The following TCF3 variants were observed in gnomAD, a reference collection of about 807,000 sequenced individuals.
The protein encoded by TCF3 is transcription factor 3.
In TCF3, 54 loss-of-function variants were observed where a neutral mutation model predicts 72.3. The ratio of observed to expected loss-of-function variants is 0.75; its 90% CI spans 0.60 to 0.94. The LOEUF (loss-of-function observed/expected upper bound fraction) is 0.94, where lower values mean the gene tolerates loss of function less well. TCF3 is among the 40% of genes least tolerant of loss of function. The pLI is 0.00. For synonymous variants in TCF3, 525 were observed against 412.6 expected (o/e 1.27, Z -3.30); for missense variants, 1,078 against 934.4 (o/e 1.15, Z -2.00).
At position 1,610,399 on chromosome 19, in the gene TCF3, C is replaced by T. The variant is rs2060900193; in HGVS notation, c.*1308G>A. 1 of 230,940 alleles carries T rather than the reference C, an allele frequency of 4.3e-6. No individual in the cohort carries two copies. Among genetic ancestry groups the T allele is most frequent in the Non-Finnish European group, 8.6e-6 (1 of 116,778 alleles). The allele number at this position is 230,940 out of a possible 1,614,324, so 14.3% of individuals were successfully genotyped here. A position where few individuals can be genotyped will look rare whatever the true frequency, so the allele number is the denominator to read the frequency against. ...GCATCCTGTCTACGTCACGATGGCCCTCTGGTGTAATGGGGACATGGTGGG... is the reference window on the plus strand; with the variant it reads ...GCATCCTGTCTACGTCACGATGGCCTTCTGGTGTAATGGGGACATGGTGGG... On this transcript the variant is annotated 3_prime_UTR_variant, in exon 19 of 19. Coordinates refer to ENST00000262965, the MANE Select transcript of TCF3 (RefSeq NM_003200.5).
At chr19:1,644,530 G>T (rs1475349990) in intron 3 of TCF3, among the ~76,000 whole-genome samples, 1 of 152,220 alleles carries the variant, frequency 6.6e-6, no homozygotes, top group Non-Finnish European at 1.5e-5. Flanking sequence ...ACGTGTGAGG[G>T]GACAAGGCGA....
intron 2 of TCF3, among the ~76,000 whole-genome samples, chr19:1,648,908 C>T (rs1382054298): frequency 6.6e-6 from 1 of 151,280 alleles, no homozygotes. Flanking sequence ...GAACCCATAA[C>T]ACATGGCCCC....
In TCF3 at chr19:1,615,456, G is replaced by A. The variant is rs754358612; in HGVS notation, c.1651C>T (p.Arg551Trp). Reference sequence around the variant, plus strand: ...CGCTCCCGGGCGTTATTGGCCACCCGGCGCTCCTTCTCCCGCTCGGCCTTC... The same window carrying A: ...CGCTCCCGGGCGTTATTGGCCACCCAGCGCTCCTTCTCCCGCTCGGCCTTC... ...EQKAEREKER[R>W]VANNARERLR... The change falls in exon 18 of 19, where the codon CGG becomes TGG. Residue 551 changes from arginine to tryptophan, a missense_variant. Physicochemically the swap from Arg to Trp is moderately radical, Grantham distance 101. Coordinates refer to ENST00000262965, the MANE Select transcript of TCF3 (RefSeq NM_003200.5). The surrounding 1 kb of genome is among the most constrained non-coding windows in gnomAD (Gnocchi z 7.3). 4 of 1,612,818 alleles carry A rather than the reference G, an allele frequency of 2.5e-6. No homozygotes were observed. Among genetic ancestry groups the A allele is most frequent in the African/African-American group, 1.3e-5 (1 of 74,920 alleles).
At chr19:1,627,829 C>T in intron 5 of TCF3, among the ~76,000 whole-genome samples, 1 of 72,726 alleles carries the variant, frequency 1.4e-5, no homozygotes, top group African/African-American at 6.3e-5. Context: ...GGGAAGGGGA[C>T]AGCAGAGCTC....
chr19:1,631,529 A>C (rs1055343513), intron 5 of TCF3, among the ~76,000 whole-genome samples: 4 of 151,986 alleles, frequency 2.6e-5, no homozygotes, highest in Non-Finnish European at 4.4e-5. Flanking sequence ...TCGCTCTCCC[A>C]AAGTGCTGGT....
intron 8 of TCF3, 54 bp from the exon 9 acceptor site, chr19:1,622,469 G>T: frequency 9.9e-7 from 1 of 1,007,266 alleles, no homozygotes; most frequent in Non-Finnish European, 1.4e-6. Flanking sequence ...ACCACGATCA[G>T]CCCATGCACC....
intron 16 of TCF3, among the ~76,000 whole-genome samples, 164 bp downstream of exon 16, chr19:1,618,947 C>T (rs533531252): frequency 1.5e-4 from 23 of 152,344 alleles, no homozygotes; most frequent in African/African-American, 3.6e-4. Flanking sequence ...CCGGCCCCGC[C>T]GGTCTTACCC....
intron 5 of TCF3, 95 bp downstream of exon 5, chr19:1,631,943 G>C (rs903113272): frequency 4.5e-6 from 7 of 1,550,312 alleles, no homozygotes; most frequent in African/African-American, 2.7e-5. Flanking sequence ...TGAACGCTGG[G>C]GACTTGCCTG....
chr19:1,621,345 G>C, intron 11 of TCF3, 154 bp from the exon 12 acceptor site: 1 of 953,976 alleles, frequency 1.0e-6, no homozygotes, highest in Non-Finnish European at 1.5e-6. Context: ...CCTGAAACCA[G>C]CCTCTGCAGG....
chr19:1,612,488 G>A, intron 18 of TCF3: 5 of 1,331,342 alleles, frequency 3.8e-6, no homozygotes, highest in African/African-American at 1.4e-5. Context: ...GGGTGGGAGG[G>A]CAGGGCTGGG....
rs550821675 is a variant in TCF3 at position 1,609,734 on chromosome 19, G to C, written c.*1973C>G. ...CCCTCCCCTCCGCCTGGCCTGGACTGGGGGCAGATACCAGGCATTGAGCTG... is the reference window on the plus strand; with the variant it reads ...CCCTCCCCTCCGCCTGGCCTGGACTCGGGGCAGATACCAGGCATTGAGCTG... On this transcript the variant is annotated 3_prime_UTR_variant, in exon 19 of 19. Transcript: ENST00000262965. The C allele has an allele frequency of 8.7e-6, 2 of 228,998 alleles. No individual in the cohort carries two copies. Among genetic ancestry groups the C allele is most frequent in the Non-Finnish European group, 8.7e-6 (1 of 115,602 alleles). 14.2% of individuals were successfully genotyped at this position (228,998 alleles called of 1,614,324 possible).
At position 1,622,239 on chromosome 19, in the gene TCF3, G is replaced by C; in HGVS notation, c.653-16C>G. ...AGGCTGCCATCTGTGGAGGGGAGCT[G>C]GTAAGGTGGGGGCCGAGTGGGGAAC... On this transcript the variant is annotated splice_polypyrimidine_tract_variant and intron_variant, in intron 9 of 18. Coordinates refer to ENST00000262965, the MANE Select transcript of TCF3 (RefSeq NM_003200.5). 1 of 1,528,816 alleles carries C rather than the reference G, an allele frequency of 6.5e-7. No homozygotes were observed. Among genetic ancestry groups the C allele is most frequent in the Non-Finnish European group, 8.8e-7 (1 of 1,137,776 alleles). The allele number at this position is 1,528,816 out of a possible 1,614,324, so 94.7% of individuals were successfully genotyped here. A position where few individuals can be genotyped will look rare whatever the true frequency, so the allele number is the denominator to read the frequency against.
chr19:1,617,421 C>A (rs1021367071), intron 16 of TCF3, among the ~76,000 whole-genome samples: 1 of 152,224 alleles, frequency 6.6e-6, no homozygotes, highest in Non-Finnish European at 1.5e-5. Context: ...AGCTCAAGAA[C>A]AATAATTGCA....
chr19:1,634,507 C>T (rs917223202), intron 3 of TCF3, among the ~76,000 whole-genome samples: 1 of 152,194 alleles, frequency 6.6e-6, no homozygotes, highest in Non-Finnish European at 1.5e-5. Context: ...ATTCCAGTCA[C>T]GGGGTGTGGA....
intron 5 of TCF3, among the ~76,000 whole-genome samples, chr19:1,629,804 G>C (rs2063478943): frequency 6.6e-6 from 1 of 152,134 alleles, no homozygotes; most frequent in Admixed American, 6.5e-5. Flanking sequence ...CCCGATTTTT[G>C]AATTTTAAAA....
rs181274027 is a variant in TCF3, at chr19:1,609,751, A to G, written c.*1956T>C. On this transcript the variant is annotated 3_prime_UTR_variant, in exon 19 of 19. Transcript: ENST00000262965. The stretch of plus-strand genomic sequence containing the variant: ...CCTGGACTGGGGGCAGATACCAGGC[A>G]TTGAGCTGGCCTTGAGGTTTCCCTT... 1 of 229,764 alleles carries G rather than the reference A, an allele frequency of 4.4e-6. No homozygotes were observed. The highest frequency in any genetic ancestry group is 2.2e-5 in the African/African-American group (1 of 45,136). The allele number at this position is 229,764 out of a possible 1,614,324, so 14.2% of individuals were successfully genotyped here. A position where few individuals can be genotyped will look rare whatever the true frequency, so the allele number is the denominator to read the frequency against.
Position 1,635,267 on chromosome 19 carries a change from A to C in TCF3, c.146-2862T>G, listed in dbSNP as rs1599875110. The stretch of plus-strand genomic sequence containing the variant: ...TCCTCCTCACCTTCCCTCCTCCCAA[A>C]GAACAGCAGCTTGCCCCATAGCTAC... On this transcript the variant is annotated intron_variant, in intron 3 of 18. Transcript: ENST00000262965. 3.3e-5 allele frequency among the ~76,000 whole-genome samples: 5 copies of C among 152,310 alleles called. 1 individual carries two copies. The highest frequency in any genetic ancestry group is 3.3e-4 in the Admixed American group (5 of 15,304).
At chr19:1,632,210 T>C in intron 4 of TCF3, 94 bp from the exon 5 acceptor site, 5 of 1,552,824 alleles carry the variant, frequency 3.2e-6, no homozygotes, top group South Asian at 1.2e-5. Context: ...CTCAAACCCA[T>C]GTCCCCCAGT....
chr19:1,615,147 G>T lies in TCF3; in HGVS notation c.1822+138C>A. ...ATGGCAATGCGGTCAGAGGGGTGAA[G>T]GGCACAGTCACTGCAAGGAGGCAAC... On this transcript the variant is annotated intron_variant, in intron 18 of 18. Coordinates refer to ENST00000262965, the MANE Select transcript of TCF3 (RefSeq NM_003200.5). This position sits in a 1 kb window ranked among gnomAD's most constrained non-coding sequence, Gnocchi z 7.3. 1 of 1,038,890 alleles carries T rather than the reference G, an allele frequency of 9.6e-7. No individual in the cohort carries two copies. Among genetic ancestry groups the T allele is most frequent in the Non-Finnish European group, 1.4e-6 (1 of 735,106 alleles). The allele number at this position is 1,038,890 out of a possible 1,614,324, so 64.4% of individuals were successfully genotyped here. A position where few individuals can be genotyped will look rare whatever the true frequency, so the allele number is the denominator to read the frequency against.
Sources: gnomAD v4.1 joint callset for allele counts (sites outside exome capture counted in the v4.1 genomes callset) on GRCh38, gnomAD v4.1.1 for gene constraint, Gnocchi (gnomAD v3.1) non-coding constraint, MANE v1.5 for transcripts, NCBI Gene and HGNC (gene_info 2026-07-23, HGNC 2026-07-21) for gene names.